Variants in HEPACAM observed in about 807,000 individuals in gnomAD.
HEPACAM encodes hepatic and glial cell adhesion molecule.
In HEPACAM, 18 loss-of-function variants were observed where a neutral mutation model predicts 38.3. The ratio of observed to expected loss-of-function variants is 0.47; its 90% confidence interval spans 0.33 to 0.70. The LOEUF is 0.70. Ranked by LOEUF, HEPACAM falls within the 30% of genes least tolerant of loss-of-function variation. The pLI is 0.03. For synonymous variants in HEPACAM, 216 were observed against 243.1 expected, an observed-to-expected ratio of 0.89 and a Z score of 1.04; for missense variants, 466 against 563.0, an observed-to-expected ratio of 0.83 and a Z score of 1.74.
Position 124,921,453 on chromosome 11 carries a change from G to C in HEPACAM, c.949-13C>G. On this transcript the variant is annotated splice_polypyrimidine_tract_variant and intron_variant, in intron 6 of 6. Transcript: ENST00000298251. This position sits in a 1 kb window ranked among gnomAD's most constrained non-coding sequence, Gnocchi z 4.6. Reference sequence around the variant, plus strand: ...TCTCCGGGGAGTCCTGCAAGGACACGCGCCGCAGGGGTCAGGGGACAGTCA... The same window carrying C: ...TCTCCGGGGAGTCCTGCAAGGACACCCGCCGCAGGGGTCAGGGGACAGTCA... The C allele has an allele frequency of 7.9e-7, 1 of 1,258,798 alleles. No homozygotes were observed. The allele number at this position is 1,258,798 out of a possible 1,614,324, so 78.0% of individuals were successfully genotyped here.
At chr11:124,928,736 G>T (rs140697685) in intron 1 of HEPACAM, among the ~76,000 whole-genome samples, 5 of 152,294 alleles carry the variant, frequency 3.3e-5, no homozygotes, top group African/African-American at 1.2e-4. Context: ...ATCTGCCTAT[G>T]ACCTGGAAGC....
At chr11:124,930,152 C>A (rs1391357870) in intron 1 of HEPACAM, among the ~76,000 whole-genome samples, 1 of 152,176 alleles carries the variant, frequency 6.6e-6, no homozygotes, top group Admixed American at 6.5e-5. Context: ...GGTGTGGTAG[C>A]CAGAACTGCA....
intron 1 of HEPACAM, among the ~76,000 whole-genome samples, chr11:124,934,945 C>G (rs1947324183): frequency 6.6e-6 from 1 of 152,168 alleles, no homozygotes; most frequent in South Asian, 2.1e-4. Context: ...TCATGCTTTT[C>G]TCTCCAGCAG....
At position 124,919,718 on chromosome 11, in the gene HEPACAM, G is replaced by A; in HGVS notation, c.*1420C>T. 2.5e-6 allele frequency: 4 copies of A among 1,608,384 alleles called. No individual in the cohort carries two copies. The highest frequency in any genetic ancestry group is 2.5e-6 in the Non-Finnish European group (3 of 1,177,268). ...AAACTAGAAATGTCAGTGCCTTTGGGGCTGAGACAAAACTTGACCTGGTGT... is the reference window on the plus strand; with the variant it reads ...AAACTAGAAATGTCAGTGCCTTTGGAGCTGAGACAAAACTTGACCTGGTGT... On this transcript the variant is annotated 3_prime_UTR_variant, in exon 7 of 7. Coordinates refer to ENST00000298251, the MANE Select transcript of HEPACAM (RefSeq NM_152722.5).
chr11:124,919,602 G>T lies in HEPACAM; in HGVS notation c.*1536C>A. 3.6e-6 allele frequency: 3 copies of T among 839,552 alleles called. No individual in the cohort carries two copies. Among genetic ancestry groups the T allele is most frequent in the Non-Finnish European group, 5.5e-6 (3 of 549,156 alleles). 52.0% of individuals were successfully genotyped at this position (839,552 alleles called of 1,614,324 possible). On this transcript the variant is annotated 3_prime_UTR_variant, in exon 7 of 7. Transcript: ENST00000298251. ...GGCACCTGGGAAGTTTAGGGGAGCT[G>T]CGAAGGCACACCTGCTCAAATGAGC...
chr11:124,935,109 C>G (rs2135409367), intron 1 of HEPACAM, among the ~76,000 whole-genome samples: 1 of 152,260 alleles, frequency 6.6e-6, no homozygotes, highest in Non-Finnish European at 1.5e-5. Context: ...AAAACCTCCC[C>G]CTGATATTCC....
chr11:124,934,794 C>A (rs571193288), intron 1 of HEPACAM, among the ~76,000 whole-genome samples: 1 of 152,072 alleles, frequency 6.6e-6, no homozygotes, highest in Non-Finnish European at 1.5e-5. Context: ...AGTTTCCCCT[C>A]GAATGACCCC....
chr11:124,933,996 TTA>T (rs1255260734), intron 1 of HEPACAM, among the ~76,000 whole-genome samples: 1 of 152,164 alleles, frequency 6.6e-6, no homozygotes, highest in African/African-American at 2.4e-5. Context: ...CTAAGTAATA[TTA>T]TCTATTCTTA....
intron 1 of HEPACAM, among the ~76,000 whole-genome samples, chr11:124,927,730 A>C (rs76979538): frequency 0.21 from 31,993 of 151,534 alleles, 3,730 homozygotes; most frequent in Non-Finnish European, 0.28. Context: ...AAAACCTTAA[A>C]AGTAGAAGAA....
rs776914301 is a variant in HEPACAM at position 124,925,065 on chromosome 11, G to T, written c.90C>A (p.Pro30=). 2 of 1,587,876 alleles carry T rather than the reference G, an allele frequency of 1.3e-6. No individual in the cohort carries two copies. The highest frequency in any genetic ancestry group is 2.2e-5 in the East Asian group (1 of 44,530). The change falls in exon 2 of 7, where the codon CCC becomes CCA. Residue 30 remains proline, a synonymous_variant. Coordinates refer to ENST00000298251, the MANE Select transcript of HEPACAM (RefSeq NM_152722.5). ...GGCTGGTGATGTTCACCCCCTCCAG[G>T]GGGTCTGTGAACAGAGGCCCATGAG... ...FVYLLLIQTD[P]LEGVNITSPV...
intron 1 of HEPACAM, among the ~76,000 whole-genome samples, chr11:124,935,354 T>C (rs1472043828): frequency 6.6e-6 from 1 of 152,070 alleles, no homozygotes. Flanking sequence ...CATAAATAGG[T>C]ATATTTAAAT....
chr11:124,920,189 A>G lies in HEPACAM; in HGVS notation c.*949T>C. On this transcript the variant is annotated 3_prime_UTR_variant, in exon 7 of 7. Transcript: ENST00000298251. Reference sequence around the variant, plus strand: ...GATTAGGACTTATTCTCACAGCTGGAGGAAGCTCAACAACTTTCCTGAGGA... The same window carrying G: ...GATTAGGACTTATTCTCACAGCTGGGGGAAGCTCAACAACTTTCCTGAGGA... 1 of 893,210 alleles carries G rather than the reference A, an allele frequency of 1.1e-6. No individual in the cohort carries two copies. Among genetic ancestry groups the G allele is most frequent in the Non-Finnish European group, 1.7e-6 (1 of 587,580 alleles). 55.3% of individuals were successfully genotyped at this position (893,210 alleles called of 1,614,324 possible). A position where few individuals can be genotyped will look rare whatever the true frequency, so the allele number is the denominator to read the frequency against.
At position 124,921,467 on chromosome 11, in the gene HEPACAM, A is replaced by G; in HGVS notation, c.949-27T>C. The G allele has an allele frequency of 8.0e-7, 1 of 1,242,420 alleles. No individual in the cohort carries two copies. The highest frequency in any genetic ancestry group is 1.0e-6 in the Non-Finnish European group (1 of 989,432). 77.0% of individuals were successfully genotyped at this position (1,242,420 alleles called of 1,614,324 possible). A position where few individuals can be genotyped will look rare whatever the true frequency, so the allele number is the denominator to read the frequency against. ...TGCAAGGACACGCGCCGCAGGGGTCAGGGGACAGTCAGCCCAGCCTGGGAG... is the reference window on the plus strand; with the variant it reads ...TGCAAGGACACGCGCCGCAGGGGTCGGGGGACAGTCAGCCCAGCCTGGGAG... On this transcript the variant is annotated intron_variant, in intron 6 of 6. Coordinates refer to ENST00000298251, the MANE Select transcript of HEPACAM (RefSeq NM_152722.5). The surrounding 1 kb of genome is among the most constrained non-coding windows in gnomAD (Gnocchi z 4.6).
At chr11:124,929,398 T>A (rs1947256887) in intron 1 of HEPACAM, among the ~76,000 whole-genome samples, 1 of 152,202 alleles carries the variant, frequency 6.6e-6, no homozygotes. Context: ...AGCAGTTTGC[T>A]GAGCAAACAG....
Position 124,923,828 on chromosome 11 carries a change from T to C in HEPACAM, c.610A>G (p.Ile204Val), listed in dbSNP as rs1402131175. The change falls in exon 3 of 7, where the codon ATC becomes GTC. Residue 204 changes from isoleucine to valine, a missense_variant. Ile to Val is a conservative substitution (Grantham distance 29). Coordinates refer to ENST00000298251, the MANE Select transcript of HEPACAM (RefSeq NM_152722.5). ...LLSPDQKVLT[I>V]TRVLMEDDDL... is the part of the protein sequence containing the mutation. The stretch of plus-strand genomic sequence containing the variant: ...TCATCCTCCATGAGCACGCGGGTGA[T>C]GGTGAGCACCTTTTGGTCGGGGGAC... The C allele has an allele frequency of 1.2e-6, 2 of 1,614,084 alleles. No homozygotes were observed. Among genetic ancestry groups the C allele is most frequent in the Non-Finnish European group, 1.7e-6 (2 of 1,180,044 alleles).
chr11:124,934,773 T>C (rs1290333103), intron 1 of HEPACAM, among the ~76,000 whole-genome samples: 1 of 152,140 alleles, frequency 6.6e-6, no homozygotes, highest in Non-Finnish European at 1.5e-5. Flanking sequence ...TTTCTTATTT[T>C]ATTTGCCTCC....
chr11:124,925,938 C>T (rs1434093484), intron 1 of HEPACAM, among the ~76,000 whole-genome samples: 2 of 152,214 alleles, frequency 1.3e-5, no homozygotes, highest in Non-Finnish European at 2.9e-5. Flanking sequence ...CGGTGGCTCA[C>T]GCCTGTAATC....
intron 1 of HEPACAM, 141 bp downstream of exon 1, chr11:124,935,781 T>C: frequency 4.0e-6 from 3 of 743,934 alleles, no homozygotes; most frequent in Non-Finnish European, 7.2e-6. Flanking sequence ...AATGCCTGAA[T>C]TCCCTGACAT....
chr11:124,936,012 G>T lies in HEPACAM; in HGVS notation c.-6C>A. ...GCTCCCCTTTCTCTCTTCATTTTGG[G>T]TGGCGTTCTCCAGCTCTAGTGCAGA... is the stretch of plus-strand genomic sequence containing the variant. On this transcript the variant is annotated 5_prime_UTR_variant, in exon 1 of 7. Transcript: ENST00000298251. The T allele has an allele frequency of 6.2e-7, 1 of 1,613,622 alleles. No homozygotes were observed.
Sources: allele counts gnomAD v4.1 joint callset (sites outside exome capture counted in the v4.1 genomes callset), GRCh38; gene constraint gnomAD v4.1.1; non-coding constraint Gnocchi (gnomAD v3.1); transcripts MANE v1.5; gene names NCBI Gene and HGNC (gene_info 2026-07-23, HGNC 2026-07-21).